WDFY3: variants seen among roughly 807,000 people sequenced by gnomAD.
WDFY3 encodes WD repeat and FYVE domain-containing protein 3.
In WDFY3, 66 loss-of-function variants were observed where a neutral mutation model predicts 409.6. The observed-to-expected ratio is 0.16, with a 90% CI of 0.13 to 0.20. The LOEUF is 0.20. Among genes scored for constraint, WDFY3 ranks in the 10% least tolerant of loss-of-function variants. The pLI is 1.00. For missense variants in WDFY3, 3,031 were observed against 4,298.1 expected (o/e 0.71, Z 8.24); for synonymous variants, 1,521 against 1,537.1 (o/e 0.99, Z 0.25).
intron 32 of WDFY3, among the ~76,000 whole-genome samples, chr4:84,763,147 A>T (rs914045442): frequency 3.9e-5 from 6 of 152,198 alleles, no homozygotes; most frequent in Admixed American, 2.0e-4. Flanking sequence ...TATCACGATT[A>T]AGCATTAATT....
At chr4:84,932,179 C>T (rs2150965352) in intron 2 of WDFY3, 91 bp downstream of exon 2, 1 of 152,146 alleles carries the variant, frequency 6.6e-6, no homozygotes, top group East Asian at 1.9e-4. Flanking sequence ...TCACAAGTCA[C>T]TGGTCTTGCT....
At chr4:84,897,063 C>T (rs1377820583) in intron 2 of WDFY3, 53 bp from the exon 3 acceptor site, 1 of 152,174 alleles carries the variant, frequency 6.6e-6, no homozygotes, top group Non-Finnish European at 1.5e-5. Context: ...AGAATATTTT[C>T]CTCAACACAG....
intron 1 of WDFY3, among the ~76,000 whole-genome samples, chr4:84,957,051 G>A (rs1774323884): frequency 6.6e-6 from 1 of 150,420 alleles, no homozygotes; most frequent in African/African-American, 2.4e-5. Flanking sequence ...TCCTGGAGTT[G>A]AGAAAACTAA....
In WDFY3 at chr4:84,881,187, T is replaced by C. The variant is rs75482148; in HGVS notation, c.-32+15724A>G. Among the ~76,000 whole-genome samples, 565 of 152,280 alleles carry C rather than the reference T, an allele frequency of 3.7e-3. 3 individuals carry two copies. The highest frequency in any genetic ancestry group is 0.013 in the African/African-American group (539 of 41,542). ...ATTGCTTAATATTACATCACATACT[T>C]TTATTTTAATCCTTCTATTTCAATC... On this transcript the variant is annotated intron_variant, in intron 3 of 67. Coordinates refer to ENST00000295888, the MANE Select transcript of WDFY3 (RefSeq NM_014991.6).
At chr4:84,865,428 A>G (rs535178628) in intron 3 of WDFY3, among the ~76,000 whole-genome samples, 1 of 152,308 alleles carries the variant, frequency 6.6e-6, no homozygotes, top group Non-Finnish European at 1.5e-5. Context: ...ACATTGTCCA[A>G]TTAGAAACCT....
At chr4:84,685,151 G>A (rs182083067) in intron 62 of WDFY3, among the ~76,000 whole-genome samples, 136 of 152,270 alleles carry the variant, frequency 8.9e-4, no homozygotes, top group Middle Eastern at 3.4e-3. Context: ...ACCTGGTAAA[G>A]TTCAGTACCC....
intron 40 of WDFY3, among the ~76,000 whole-genome samples, chr4:84,738,538 G>A (rs1296140565): frequency 1.3e-5 from 2 of 151,552 alleles, no homozygotes; most frequent in African/African-American, 2.4e-5. Context: ...AAAGGTAAAG[G>A]TTGTAGTGAG....
At chr4:84,748,882 C>A (rs541484061) in intron 36 of WDFY3, among the ~76,000 whole-genome samples, 1 of 151,908 alleles carries the variant, frequency 6.6e-6, no homozygotes, top group East Asian at 1.9e-4. Flanking sequence ...ATAATTCTCT[C>A]TCTCTTTTTT....
intron 3 of WDFY3, among the ~76,000 whole-genome samples, chr4:84,884,812 A>G (rs148224259): frequency 4.3e-4 from 65 of 152,318 alleles, no homozygotes; most frequent in Non-Finnish European, 6.5e-4. Context: ...CAAACATGTG[A>G]TAATTGTCAC....
chr4:84,798,236 T>C, intron 17 of WDFY3, 128 bp from the exon 18 acceptor site: 1 of 705,650 alleles, frequency 1.4e-6, no homozygotes, highest in African/African-American at 1.8e-5. Flanking sequence ...CAAAGTATAA[T>C]AAAACAATAT....
intron 44 of WDFY3, 42 bp downstream of exon 44, chr4:84,733,340 A>T: frequency 1.3e-6 from 2 of 1,576,408 alleles, no homozygotes; most frequent in Non-Finnish European, 1.7e-6. Context: ...GAAAATAAAA[A>T]CTTGAAAGAG....
intron 53 of WDFY3, among the ~76,000 whole-genome samples, chr4:84,706,773 A>G (rs184320703): frequency 4.6e-5 from 7 of 152,126 alleles, no homozygotes; most frequent in Non-Finnish European, 1.0e-4. Context: ...AAGCCACTAA[A>G]TTACAAGAGA....
chr4:84,720,620 G>A (rs185441093), intron 47 of WDFY3, among the ~76,000 whole-genome samples: 1 of 152,220 alleles, frequency 6.6e-6, no homozygotes, highest in East Asian at 1.9e-4. Context: ...TTCTCACTAT[G>A]TGACAAGCCT....
At chr4:84,914,014 G>T (rs1768126648) in intron 2 of WDFY3, among the ~76,000 whole-genome samples, 1 of 152,064 alleles carries the variant, frequency 6.6e-6, no homozygotes, top group Non-Finnish European at 1.5e-5. Flanking sequence ...TCTTCCTGAT[G>T]ATTTTCTTAG....
At chr4:84,763,489 T>C (rs1247790694) in intron 32 of WDFY3, among the ~76,000 whole-genome samples, 3 of 151,990 alleles carry the variant, frequency 2.0e-5, no homozygotes, top group African/African-American at 7.3e-5. Context: ...ATGGCACATG[T>C]ATACATACAT....
At chr4:84,734,774 A>G (rs368691614) in intron 43 of WDFY3, among the ~76,000 whole-genome samples, 1 of 152,228 alleles carries the variant, frequency 6.6e-6, no homozygotes, top group African/African-American at 2.4e-5. Context: ...GACATGTAAC[A>G]TATCAGTAGT....
chr4:84,939,713 T>C (rs1407316841), intron 1 of WDFY3, among the ~76,000 whole-genome samples: 2 of 151,990 alleles, frequency 1.3e-5, no homozygotes, highest in Non-Finnish European at 2.9e-5. Flanking sequence ...TCTTGTGACA[T>C]GTTCTTATTT....
At chr4:84,807,023 A>G (rs930708373) in intron 15 of WDFY3, among the ~76,000 whole-genome samples, 1 of 152,196 alleles carries the variant, frequency 6.6e-6, no homozygotes, top group Non-Finnish European at 1.5e-5. Context: ...GGCTTTACTC[A>G]TTTATGATAT....
intron 10 of WDFY3, among the ~76,000 whole-genome samples, chr4:84,826,551 T>C (rs767928773): frequency 7.2e-5 from 11 of 152,220 alleles, no homozygotes; most frequent in Non-Finnish European, 1.3e-4. Flanking sequence ...TTTGATTAAA[T>C]TGTTTGAATG....
Sources: allele counts gnomAD v4.1 joint callset (sites outside exome capture counted in the v4.1 genomes callset), GRCh38; gene constraint gnomAD v4.1.1; transcripts MANE v1.5; gene names NCBI Gene and HGNC (gene_info 2026-07-23, HGNC 2026-07-21).